Variants in MVP observed in about 807,000 individuals in gnomAD.
MVP encodes major vault protein.
Under a neutral mutation model 83.5 loss-of-function variants are expected in MVP, and 62 were observed. The observed-to-expected ratio is 0.74, with a 90% CI of 0.61 to 0.92. The LOEUF is 0.92. MVP is among the 40% of genes least tolerant of loss of function. MVP has a pLI of 0.00. For synonymous variants in MVP, 505 were observed against 504.1 expected (o/e 1.00, Z -0.02); for missense variants, 1,000 against 1,203.4 (o/e 0.83, Z 2.50).
chr16:29,833,942 C>T lies in MVP; in HGVS notation c.453C>T (p.Tyr151=). The T allele has an allele frequency of 1.2e-6, 2 of 1,614,120 alleles. No homozygotes were observed. Among genetic ancestry groups the T allele is most frequent in the South Asian group, 2.2e-5 (2 of 91,064 alleles). Residue 151 remains tyrosine (Y), a synonymous_variant, in exon 5 of 15, where the codon TAC becomes TAT. Coordinates refer to ENST00000357402, the MANE Select transcript of MVP (RefSeq NM_005115.5). The part of the protein sequence containing the change: ...DEWLFEGPGT[Y]IPRKEVEVVE... ...ATCACCTTCCCTCCCCAGGCACGTA[C>T]ATCCCCCGGAAGGAAGTGGAGGTCG...
At chr16:29,830,440 G>A (rs2067432428) in intron 1 of MVP, 75 bp from the exon 2 acceptor site, 4 of 1,331,374 alleles carry the variant, frequency 3.0e-6, no homozygotes, top group Non-Finnish European at 4.2e-6. Flanking sequence ...CCCACCCAGA[G>A]TCTGTCACCA....
rs2067534048 is a variant in MVP, at chr16:29,841,494, C to T, written c.1192-102C>T. 8 of 1,429,382 alleles carry T rather than the reference C, an allele frequency of 5.6e-6. No individual in the cohort carries two copies. Among genetic ancestry groups the T allele is most frequent in the South Asian group, 4.4e-5 (3 of 68,280 alleles). 88.5% of individuals were successfully genotyped at this position (1,429,382 alleles called of 1,614,324 possible). On this transcript the variant is annotated intron_variant, in intron 8 of 14. Transcript: ENST00000357402. This position sits in a 1 kb window ranked among gnomAD's most constrained non-coding sequence, Gnocchi z 4.7. ...TCCCCGTAGAGAAGGTGTTTAACCTCGTGGCGCGCCTTCCCTGGATGGGCT... is the reference window on the plus strand; with the variant it reads ...TCCCCGTAGAGAAGGTGTTTAACCTTGTGGCGCGCCTTCCCTGGATGGGCT...
Position 29,847,355 on chromosome 16 carries a change from G to A in MVP, c.2424G>A (p.Arg808=), listed in dbSNP as rs770305194. The change falls in exon 14 of 15, where the codon AGG becomes AGA. Residue 808 remains arginine, a synonymous_variant. Transcript: ENST00000357402. Reference sequence around the variant, plus strand: ...AGGCCATAGGCCCCAGCACCATCAGGGACCTTGCTGTGGCTGGGCCTGAGA... The same window carrying A: ...AGGCCATAGGCCCCAGCACCATCAGAGACCTTGCTGTGGCTGGGCCTGAGA... ...MTEAIGPSTI[R]DLAVAGPEMQ... 7 of 1,573,770 alleles carry A rather than the reference G, an allele frequency of 4.4e-6. No individual in the cohort carries two copies. Among genetic ancestry groups the A allele is most frequent in the Non-Finnish European group, 6.0e-6 (7 of 1,163,120 alleles).
intron 7 of MVP, 25 bp downstream of exon 7, chr16:29,836,983 G>A (rs1350744364): frequency 6.3e-7 from 1 of 1,587,032 alleles, no homozygotes; most frequent in Admixed American, 1.7e-5. Context: ...CCCCCACAGA[G>A]GACTGCCCTG....
chr16:29,847,108 T>C, intron 13 of MVP, 89 bp from the exon 14 acceptor site: 1 of 1,404,624 alleles, frequency 7.1e-7, no homozygotes, highest in Non-Finnish European at 9.8e-7. Context: ...GAGGATCCTT[T>C]GAGCCAGGAG....
rs1457118016 is a variant in MVP, at chr16:29,846,221, G to A, written c.2202G>A (p.Arg734=). 1 of 1,591,776 alleles carries A rather than the reference G, an allele frequency of 6.3e-7. No individual in the cohort carries two copies. Among genetic ancestry groups the A allele is most frequent in the Non-Finnish European group, 8.6e-7 (1 of 1,168,606 alleles). The part of the protein sequence containing the change: ...AEAESRAEAA[R]IEGEGSVLQA... Reference sequence around the variant, plus strand: ...CCGAGTCCCGTGCGGAGGCAGCCCGGATTGAGGGAGAAGGGTCCGTGCTGC... The same window carrying A: ...CCGAGTCCCGTGCGGAGGCAGCCCGAATTGAGGGAGAAGGGTCCGTGCTGC... Residue 734 remains arginine (R), a synonymous_variant, in exon 13 of 15, where the codon CGG becomes CGA. Coordinates refer to ENST00000357402, the MANE Select transcript of MVP (RefSeq NM_005115.5).
At chr16:29,821,426 C>T (rs1204727734) in intron 1 of MVP, 4 of 152,292 alleles carry the variant, frequency 2.6e-5, no homozygotes, top group African/African-American at 9.6e-5. Context: ...GGCCCAGAGA[C>T]AGCCTCAGGG....
At chr16:29,835,630 C>CT in intron 5 of MVP, 74 bp from the exon 6 acceptor site, 1 of 1,269,088 alleles carries the variant, frequency 7.9e-7, no homozygotes, top group South Asian at 1.3e-5. Flanking sequence ...TCCCCTGTGT[C>CT]TAAGCTGTGG....
chr16:29,840,162 C>T lies in MVP; in HGVS notation c.910-16C>T. ...ACCCTAAAGGCACTGACCCTAACCT[C>T]ACGTCTCCCCACTAGGGAGAGAAGT... On this transcript the variant is annotated splice_polypyrimidine_tract_variant and intron_variant, in intron 7 of 14. Transcript: ENST00000357402. 2 of 1,590,796 alleles carry T rather than the reference C, an allele frequency of 1.3e-6. No individual in the cohort carries two copies. The highest frequency in any genetic ancestry group is 2.2e-5 in the East Asian group (1 of 44,660).
rs893400874 is a variant in MVP, at chr16:29,844,671, G to A, written c.1813G>A (p.Gly605Ser). 6.2e-7 allele frequency: 1 copy of A among 1,614,008 alleles called. No homozygotes were observed. The highest frequency in any genetic ancestry group is 8.5e-7 in the Non-Finnish European group (1 of 1,180,014). Reference protein sequence around the residue: ...SARIIRTAVFGFETSEAKGPD... With the variant: ...SARIIRTAVFSFETSEAKGPD... ...CCGCATCATTCGCACTGCTGTCTTTGGCTTTGAGACCTCGGAAGCGAAGGG... is the reference window on the plus strand; with the variant it reads ...CCGCATCATTCGCACTGCTGTCTTTAGCTTTGAGACCTCGGAAGCGAAGGG... Residue 605 changes from glycine (G) to serine (S), a missense_variant, in exon 11 of 15, where the codon GGC becomes AGC. Transcript: ENST00000357402.
At chr16:29,821,142 G>C (rs1301497986) in intron 1 of MVP, 1 of 152,260 alleles carries the variant, frequency 6.6e-6, no homozygotes, top group South Asian at 2.1e-4. Context: ...CCACCAGCCT[G>C]AGATTCTGGG....
chr16:29,834,869 A>ATTTTTTTTTTTTTTTTTTT (rs61591338), intron 5 of MVP: 2 of 88,910 alleles, frequency 2.2e-5, no homozygotes, highest in African/African-American at 4.5e-5. Flanking sequence ...TTTTTTTTGT[A>ATTTTTTTTTTTTTTTTTTT]TTTTTTTTTT....
At chr16:29,835,866 G>A (rs1159005613) in intron 6 of MVP, 68 bp downstream of exon 6, 43 of 1,279,266 alleles carry the variant, frequency 3.4e-5, no homozygotes, top group Non-Finnish European at 4.7e-5. Flanking sequence ...GCAGAGAATG[G>A]TGGTAGAATG....
rs62056375 is a variant in MVP, at chr16:29,846,580, G to A, written c.2265+296G>A. 0.13 allele frequency among the ~76,000 whole-genome samples: 19,114 copies of A among 152,228 alleles called. 1,244 individuals are homozygous for A. Among genetic ancestry groups the A allele is most frequent in the Non-Finnish European group, 0.15 (10,039 of 68,014 alleles). ...ATGCTTGAAATCCCATTAAGAGGCC[G>A]GGTGCAGTGGCTCACGCCTGTAATC... is the stretch of plus-strand genomic sequence containing the variant. On this transcript the variant is annotated intron_variant, in intron 13 of 14. Coordinates refer to ENST00000357402, the MANE Select transcript of MVP (RefSeq NM_005115.5).
rs1295009259 is a variant in MVP at position 29,835,618 on chromosome 16, A to C, written c.578-86A>C. The C allele has an allele frequency of 3.6e-6, 4 of 1,097,252 alleles. No homozygotes were observed. In the East Asian group the frequency reaches 1.0e-4, roughly 28 times the overall value. 68.0% of individuals were successfully genotyped at this position (1,097,252 alleles called of 1,614,324 possible). A position where few individuals can be genotyped will look rare whatever the true frequency, so the allele number is the denominator to read the frequency against. ...TATCTTTTTGCCTATGAAATCTGTCAATCCCCTGTGTCTAAGCTGTGGGGG... is the reference window on the plus strand; with the variant it reads ...TATCTTTTTGCCTATGAAATCTGTCCATCCCCTGTGTCTAAGCTGTGGGGG... On this transcript the variant is annotated intron_variant, in intron 5 of 14. Coordinates refer to ENST00000357402, the MANE Select transcript of MVP (RefSeq NM_005115.5).
intron 13 of MVP, among the ~76,000 whole-genome samples, chr16:29,846,820 C>T (rs1244230580): frequency 6.6e-6 from 1 of 152,130 alleles, no homozygotes; most frequent in South Asian, 2.1e-4. Flanking sequence ...GAGGTTGTGC[C>T]ACTACACTCC....
intron 12 of MVP, 30 bp downstream of exon 12, chr16:29,846,009 C>A: frequency 6.2e-7 from 1 of 1,613,172 alleles, no homozygotes; most frequent in African/African-American, 1.3e-5. Context: ...AGGAGACTGG[C>A]AGGGGCCGAG....
chr16:29,825,269 A>G (rs1326052807), intron 1 of MVP, among the ~76,000 whole-genome samples: 1 of 152,162 alleles, frequency 6.6e-6, no homozygotes, highest in Non-Finnish European at 1.5e-5. Context: ...CAGAGACTGA[A>G]GGAAGTTGGG....
intron 7 of MVP, among the ~76,000 whole-genome samples, chr16:29,837,329 ATGGCGTAGCC>A (rs2067495993): frequency 6.6e-6 from 1 of 152,246 alleles, no homozygotes; most frequent in African/African-American, 2.4e-5. Context: ...CCTAGTCTAG[ATGGCGTAGCC>A]TGCCCCTAGG....
Sources: gnomAD v4.1 joint callset for allele counts (sites outside exome capture counted in the v4.1 genomes callset) on GRCh38, gnomAD v4.1.1 for gene constraint, Gnocchi (gnomAD v3.1) non-coding constraint, MANE v1.5 for transcripts, NCBI Gene and HGNC (gene_info 2026-07-23, HGNC 2026-07-21) for gene names.